TRPM3: variants seen among roughly 807,000 people sequenced by gnomAD.
TRPM3 encodes the protein transient receptor potential cation channel subfamily M member 3, also known as long transient receptor potential channel 3.
In TRPM3, 77 loss-of-function variants were observed where a neutral mutation model predicts 181.2. The ratio of observed to expected loss-of-function variants is 0.42; its 90% CI spans 0.35 to 0.51. The LOEUF (loss-of-function observed/expected upper bound fraction) is 0.51, where lower values mean the gene tolerates loss of function less well. Ranked by LOEUF, TRPM3 falls within the 20% of genes least tolerant of loss-of-function variation. The pLI, the probability that TRPM3 is intolerant of heterozygous loss-of-function variation, is 0.01. For missense variants in TRPM3, 1,759 were observed against 2,196.7 expected, an observed-to-expected ratio of 0.80 and a Z score of 3.98; for synonymous variants, 745 against 796.4, an observed-to-expected ratio of 0.94 and a Z score of 1.09.
intron 1 of TRPM3, among the ~76,000 whole-genome samples, chr9:71,392,875 A>G (rs17619081): frequency 0.023 from 3,466 of 152,322 alleles, 70 homozygotes; most frequent in Non-Finnish European, 0.034. Flanking sequence ...TGGAGTAATC[A>G]TCAAATGTTT....
At chr9:71,278,334 T>C (rs1372817902) in intron 1 of TRPM3, among the ~76,000 whole-genome samples, 2 of 152,130 alleles carry the variant, frequency 1.3e-5, no homozygotes, top group Non-Finnish European at 2.9e-5. Context: ...CACTTGGCCA[T>C]GCCAAAGAGG....
intron 1 of TRPM3, among the ~76,000 whole-genome samples, chr9:71,327,891 T>G (rs570131150): frequency 4.6e-5 from 7 of 152,246 alleles, no homozygotes; most frequent in African/African-American, 1.4e-4. Flanking sequence ...GTCAACTATG[T>G]GTGGTACTTG....
At chr9:70,768,874 G>T (rs2079651505) in intron 7 of TRPM3, among the ~76,000 whole-genome samples, 1 of 152,118 alleles carries the variant, frequency 6.6e-6, no homozygotes, top group African/African-American at 2.4e-5. Flanking sequence ...TTAAATAAGG[G>T]TAGTGTATGT....
intron 1 of TRPM3, among the ~76,000 whole-genome samples, chr9:71,119,606 G>A (rs1439004735): frequency 1.3e-5 from 2 of 152,052 alleles, no homozygotes; most frequent in Non-Finnish European, 2.9e-5. Context: ...GTCAAGAAGA[G>A]TTAAAAAGCA....
At chr9:70,699,079 C>T (rs566993334) in intron 8 of TRPM3, among the ~76,000 whole-genome samples, 10 of 152,256 alleles carry the variant, frequency 6.6e-5, no homozygotes, top group African/African-American at 2.2e-4. Context: ...ACAGTTAAGG[C>T]CTTGTTAAAT....
chr9:70,949,965 T>C (rs1309228426), intron 1 of TRPM3, among the ~76,000 whole-genome samples: 1 of 152,182 alleles, frequency 6.6e-6, no homozygotes, highest in Non-Finnish European at 1.5e-5. Flanking sequence ...CATGTGAAAC[T>C]TGGATGCTAA....
chr9:70,743,685 A>T (rs971588567), intron 8 of TRPM3, among the ~76,000 whole-genome samples: 3 of 152,046 alleles, frequency 2.0e-5, no homozygotes, highest in Non-Finnish European at 4.4e-5. Context: ...AGGCCTGGTG[A>T]GATTCTGCCT....
chr9:70,916,944 A>G, intron 1 of TRPM3: 1 of 1,298,328 alleles, frequency 7.7e-7, no homozygotes, highest in Non-Finnish European at 1.1e-6. Flanking sequence ...TGGCACTGCA[A>G]ATTGGCTTAG....
chr9:70,550,978 G>A (rs2046328104), intron 24 of TRPM3, among the ~76,000 whole-genome samples: 1 of 152,082 alleles, frequency 6.6e-6, no homozygotes, highest in African/African-American at 2.4e-5. Context: ...GTTTAGAGAG[G>A]CCCTCAAAGC....
intron 1 of TRPM3, among the ~76,000 whole-genome samples, chr9:70,993,684 ATC>A (rs2134151532): frequency 6.6e-6 from 1 of 150,756 alleles, no homozygotes; most frequent in South Asian, 2.1e-4. Flanking sequence ...GCGTGAGATT[ATC>A]TGTGGAAGGA....
chr9:70,890,044 A>G (rs1438348470), intron 1 of TRPM3, among the ~76,000 whole-genome samples: 6 of 148,172 alleles, frequency 4.0e-5, no homozygotes, highest in Non-Finnish European at 8.9e-5. Flanking sequence ...CACACTATAC[A>G]TTAGTATATA....
chr9:71,443,974 A>T (rs932901060), intron 1 of TRPM3, among the ~76,000 whole-genome samples: 1 of 152,026 alleles, frequency 6.6e-6, no homozygotes, highest in Non-Finnish European at 1.5e-5. Flanking sequence ...AGGTCAGGAG[A>T]TCGAGACCAT....
In TRPM3 at chr9:70,534,731, T is replaced by C. The variant is rs2041370511; in HGVS notation, c.*1222A>G. On this transcript the variant is annotated 3_prime_UTR_variant, in exon 26 of 26. Coordinates refer to ENST00000677713, the MANE Select transcript of TRPM3 (RefSeq NM_001366145.2). ...ATAGTTTTGAAACTTCCTTAAAAAG[T>C]ACTTTGGAACATTTCCATAGAAAAG... 1 of 152,240 alleles carries C rather than the reference T, an allele frequency of 6.6e-6. No homozygotes were observed. The highest frequency in any genetic ancestry group is 2.1e-4 in the South Asian group (1 of 4,838). The allele number at this position is 152,240 out of a possible 1,614,324, so 9.4% of individuals were successfully genotyped here. A position where few individuals can be genotyped will look rare whatever the true frequency, so the allele number is the denominator to read the frequency against.
Position 70,598,418 on chromosome 9 carries a change from C to T in TRPM3, c.3048+1G>A. 6.2e-7 allele frequency: 1 copy of T among 1,612,350 alleles called. No individual in the cohort carries two copies. The highest frequency in any genetic ancestry group is 8.5e-7 in the Non-Finnish European group (1 of 1,178,408). On this transcript the variant is annotated splice_donor_variant, in intron 21 of 25. Coordinates refer to ENST00000677713, the MANE Select transcript of TRPM3 (RefSeq NM_001366145.2). LOFTEE classifies it high-confidence loss of function. ...ACATGGAATCAGAAGACCCTGCTTA[C>T]CATTTTTCCAATCATCATTACATAC...
intron 1 of TRPM3, among the ~76,000 whole-genome samples, chr9:71,034,183 G>C (rs2057891645): frequency 6.6e-6 from 1 of 152,134 alleles, no homozygotes; most frequent in Non-Finnish European, 1.5e-5. Context: ...CGCAATCTCT[G>C]ACTGCCATGA....
intron 22 of TRPM3, among the ~76,000 whole-genome samples, chr9:70,581,940 T>TCA: frequency 3.0e-5 from 4 of 132,608 alleles, no homozygotes; most frequent in Non-Finnish European, 5.1e-5. Flanking sequence ...CCCTCCCTTT[T>TCA]TTCCTTGTCT....
intron 1 of TRPM3, among the ~76,000 whole-genome samples, chr9:71,021,944 C>T (rs1396223057): frequency 6.6e-6 from 1 of 152,034 alleles, no homozygotes; most frequent in African/African-American, 2.4e-5. Context: ...AGGCAAAAAA[C>T]AAAAGAAGCT....
At position 70,535,917 on chromosome 9, in the gene TRPM3, G is replaced by A. The variant is rs752762963; in HGVS notation, c.*36C>T. On this transcript the variant is annotated 3_prime_UTR_variant, in exon 26 of 26. Transcript: ENST00000677713. ...GGAGTTGGAGAGAATTTTAGGGCTGGATTCTTGAGCCTTCTGTGGCGGATA... is the reference window on the plus strand; with the variant it reads ...GGAGTTGGAGAGAATTTTAGGGCTGAATTCTTGAGCCTTCTGTGGCGGATA... 13 of 1,536,722 alleles carry A rather than the reference G, an allele frequency of 8.5e-6. No individual in the cohort carries two copies. The highest frequency in any genetic ancestry group is 1.8e-4 in the Middle Eastern group (1 of 5,684).
At chr9:70,881,142 A>T (rs1471700128) in intron 1 of TRPM3, among the ~76,000 whole-genome samples, 2 of 152,106 alleles carry the variant, frequency 1.3e-5, no homozygotes, top group Non-Finnish European at 2.9e-5. Context: ...TGATAATTTG[A>T]TACATTCATA....
Sources: allele counts gnomAD v4.1 joint callset (sites outside exome capture counted in the v4.1 genomes callset), GRCh38; gene constraint gnomAD v4.1.1; transcripts MANE v1.5; gene names NCBI Gene and HGNC (gene_info 2026-07-23, HGNC 2026-07-21).